Variants in GPSM2 observed in about 807,000 individuals in gnomAD.
The protein encoded by GPSM2 is G protein-signaling modulator 2.
In GPSM2, 58 loss-of-function variants were observed where a neutral mutation model predicts 78.4. The observed-to-expected ratio is 0.74, with a 90% CI of 0.60 to 0.92. The LOEUF (loss-of-function observed/expected upper bound fraction) is 0.92, where lower values mean the gene tolerates loss of function less well. Ranked by LOEUF, GPSM2 falls within the 40% of genes least tolerant of loss-of-function variation. GPSM2 has a pLI of 0.00. For missense variants in GPSM2, 700 were observed against 815.5 expected (o/e 0.86, Z 1.73); for synonymous variants, 224 against 280.2 (o/e 0.80, Z 2.00).
chr1:108,893,405 A>G (rs1648117282), intron 2 of GPSM2, among the ~76,000 whole-genome samples: 1 of 152,224 alleles, frequency 6.6e-6, no homozygotes, highest in Non-Finnish European at 1.5e-5. Context: ...CGCCATCATT[A>G]GTAATCCATT....
intron 10 of GPSM2, among the ~76,000 whole-genome samples, chr1:108,914,012 T>C (rs1649980162): frequency 6.6e-6 from 1 of 152,150 alleles, no homozygotes; most frequent in Non-Finnish European, 1.5e-5. Flanking sequence ...GCTCTACAGA[T>C]TGTTATTTTT....
At position 108,931,162 on chromosome 1, in the gene GPSM2, A is replaced by G. The variant is rs1046896941; in HGVS notation, c.*1222A>G. 1.4e-6 allele frequency: 1 copy of G among 704,400 alleles called. No individual in the cohort carries two copies. Among genetic ancestry groups the G allele is most frequent in the Non-Finnish European group, 2.2e-6 (1 of 464,454 alleles). The allele number at this position is 704,400 out of a possible 1,614,324, so 43.6% of individuals were successfully genotyped here. On this transcript the variant is annotated 3_prime_UTR_variant, in exon 15 of 15. Transcript: ENST00000264126. ...AACAAACTTTTCTAAGTTCTAATATAAAAACAAAAAACAAAACCCATGTGG... is the reference window on the plus strand; with the variant it reads ...AACAAACTTTTCTAAGTTCTAATATGAAAACAAAAAACAAAACCCATGTGG...
At position 108,901,941 on chromosome 1, in the gene GPSM2, G is replaced by A; in HGVS notation, c.949G>A (p.Asp317Asn). 1 of 1,605,524 alleles carries A rather than the reference G, an allele frequency of 6.2e-7. No individual in the cohort carries two copies. The highest frequency in any genetic ancestry group is 1.1e-5 in the South Asian group (1 of 90,884). Reference sequence around the variant, plus strand: ...CTTAGCAATTGCTCAAGAGCTGAATGATAGGTATGTTTTACGTCTTTTTAC... The same window carrying A: ...CTTAGCAATTGCTCAAGAGCTGAATAATAGGTATGTTTTACGTCTTTTTAC... ...KHLAIAQELN[D>N]RIGEGRACWS... Residue 317 changes from aspartate (D) to asparagine (N), a missense_variant, in exon 8 of 15, where the codon GAT (aspartate) becomes AAT (asparagine). Coordinates refer to ENST00000264126, the MANE Select transcript of GPSM2 (RefSeq NM_013296.5).
Position 108,931,555 on chromosome 1 carries a change from A to C in GPSM2, c.*1615A>C. On this transcript the variant is annotated 3_prime_UTR_variant, in exon 15 of 15. Coordinates refer to ENST00000264126, the MANE Select transcript of GPSM2 (RefSeq NM_013296.5). ...TCATTCAGGTGATTTGGATGGGCAAATAGAACTATTTCTCTAATGGCCAAT... is the reference window on the plus strand; with the variant it reads ...TCATTCAGGTGATTTGGATGGGCAACTAGAACTATTTCTCTAATGGCCAAT... 4.0e-6 allele frequency: 6 copies of C among 1,493,654 alleles called. No individual in the cohort carries two copies. Among genetic ancestry groups the C allele is most frequent in the Non-Finnish European group, 5.4e-6 (6 of 1,115,088 alleles). The allele number at this position is 1,493,654 out of a possible 1,614,324, so 92.5% of individuals were successfully genotyped here.
At chr1:108,909,407 A>C (rs1235811331) in intron 10 of GPSM2, among the ~76,000 whole-genome samples, 2 of 152,230 alleles carry the variant, frequency 1.3e-5, no homozygotes, top group Non-Finnish European at 2.9e-5. Flanking sequence ...ACATGCTCTG[A>C]GCACGGTGCA....
At chr1:108,889,648 C>G (rs1647826020) in intron 2 of GPSM2, among the ~76,000 whole-genome samples, 1 of 152,076 alleles carries the variant, frequency 6.6e-6, no homozygotes, top group Non-Finnish European at 1.5e-5. Flanking sequence ...GAAGAGGAAC[C>G]TTTACTTTAC....
At chr1:108,913,936 C>T (rs1664420) in intron 10 of GPSM2, among the ~76,000 whole-genome samples, 3,216 of 152,146 alleles carry the variant, frequency 0.021, 113 homozygotes, top group African/African-American at 0.072. Context: ...AGTGGGGATG[C>T]TATTTTGATT....
Position 108,930,699 on chromosome 1 carries a change from GC to G in GPSM2, c.*761del, listed in dbSNP as rs994693701. On this transcript the variant is annotated 3_prime_UTR_variant, in exon 15 of 15. Coordinates refer to ENST00000264126, the MANE Select transcript of GPSM2 (RefSeq NM_013296.5). The stretch of plus-strand genomic sequence containing the variant: ...AGGTCGGGAGTTTGAGACCAGCCTG[GC>G]CAACATAGTGAAACCCTGTCTCTAC... 3 of 152,000 alleles carry G rather than the reference GC, an allele frequency of 2.0e-5. No individual in the cohort carries two copies. The highest frequency in any genetic ancestry group is 2.9e-5 in the Non-Finnish European group (2 of 68,232). 9.4% of individuals were successfully genotyped at this position (152,000 alleles called of 1,614,324 possible).
At position 108,914,380 on chromosome 1, in the gene GPSM2, T is replaced by C. The variant is rs1428241945; in HGVS notation, c.1235T>C (p.Met412Thr). The change falls in exon 11 of 15, where the codon ATG becomes ACG. Residue 412 changes from methionine to threonine, a missense_variant. Met to Thr is a moderately conservative substitution (Grantham distance 81). Transcript: ENST00000264126. ...GGACGCCGGCATAGTATGGAAAATA[T>C]GGAACTTATGAAGTTAACACCAGAA... The part of the protein sequence containing the change: ...KLGRRHSMEN[M>T]ELMKLTPEKV... The C allele has an allele frequency of 5.0e-6, 8 of 1,612,214 alleles. No homozygotes were observed. The highest frequency in any genetic ancestry group is 2.7e-5 in the African/African-American group (2 of 74,880).
At chr1:108,892,616 G>A (rs1419856450) in intron 2 of GPSM2, among the ~76,000 whole-genome samples, 1 of 152,146 alleles carries the variant, frequency 6.6e-6, no homozygotes, top group Non-Finnish European at 1.5e-5. Context: ...GGAGGGGTAT[G>A]TTCTTGGTTT....
intron 2 of GPSM2, among the ~76,000 whole-genome samples, chr1:108,886,125 G>A (rs1337749293): frequency 6.6e-6 from 1 of 152,092 alleles, no homozygotes; most frequent in Non-Finnish European, 1.5e-5. Flanking sequence ...AAACTCCTGG[G>A]CTCAAGCAAT....
intron 10 of GPSM2, among the ~76,000 whole-genome samples, chr1:108,904,678 C>T (rs1649091327): frequency 6.6e-6 from 1 of 151,542 alleles, no homozygotes; most frequent in African/African-American, 2.4e-5. Context: ...TTCTTTTTCC[C>T]CCATTTCATT....
rs1173522808 is a variant in GPSM2 at position 108,932,411 on chromosome 1, T to TTAAG, written c.*2473_*2476dup. ...CGATGTGTTCAATTTGCTTTCATAT[T>TTAAG]TAAGTCTTTCCTGAATTGCTGTCAT... On this transcript the variant is annotated 3_prime_UTR_variant, in exon 15 of 15. Coordinates refer to ENST00000264126, the MANE Select transcript of GPSM2 (RefSeq NM_013296.5). 3.3e-5 allele frequency: 5 copies of TTAAG among 152,240 alleles called. No individual in the cohort carries two copies. The highest frequency in any genetic ancestry group is 1.2e-4 in the African/African-American group (5 of 41,458). 9.4% of individuals were successfully genotyped at this position (152,240 alleles called of 1,614,324 possible). A position where few individuals can be genotyped will look rare whatever the true frequency, so the allele number is the denominator to read the frequency against.
At chr1:108,903,287 G>A in intron 9 of GPSM2, 53 bp downstream of exon 9, 3 of 956,308 alleles carry the variant, frequency 3.1e-6, no homozygotes, top group Middle Eastern at 2.2e-4. Flanking sequence ...CAAATTAGAG[G>A]TTGGGGGAGG....
chr1:108,878,886 A>G (rs1160973527), intron 1 of GPSM2, among the ~76,000 whole-genome samples: 1 of 152,218 alleles, frequency 6.6e-6, no homozygotes, highest in African/African-American at 2.4e-5. Flanking sequence ...GTAAGATCAT[A>G]TAACTAATAA....
intron 11 of GPSM2, among the ~76,000 whole-genome samples, chr1:108,917,628 A>ATATT (rs1650355805): frequency 2.6e-4 from 4 of 15,120 alleles, no homozygotes; most frequent in African/African-American, 1.7e-3. Context: ...ATATATATAT[A>ATATT]TATATATATA....
intron 10 of GPSM2, among the ~76,000 whole-genome samples, chr1:108,909,428 AAATT>A: frequency 6.6e-6 from 1 of 152,362 alleles, no homozygotes; most frequent in South Asian, 2.1e-4. Flanking sequence ...TTTAATTTAG[AAATT>A]AATAAGATAA....
intron 11 of GPSM2, among the ~76,000 whole-genome samples, chr1:108,917,666 A>ATATATATATATATATATATATATATAT (rs1553215429): frequency 2.4e-5 from 2 of 83,986 alleles, no homozygotes; most frequent in Admixed American, 1.4e-4. Context: ...ATATATATAT[A>ATATATATATATATATATATATATATAT]AATGAGTTCT....
At chr1:108,921,666 C>T (rs1172727664) in intron 12 of GPSM2, among the ~76,000 whole-genome samples, 2 of 152,110 alleles carry the variant, frequency 1.3e-5, no homozygotes, top group African/African-American at 2.4e-5. Context: ...CAGTTGAATA[C>T]TAAAAACTTT....
Sources: allele counts gnomAD v4.1 joint callset (sites outside exome capture counted in the v4.1 genomes callset), GRCh38; gene constraint gnomAD v4.1.1; transcripts MANE v1.5; gene names NCBI Gene and HGNC (gene_info 2026-07-23, HGNC 2026-07-21).